The following GDF1 variants were observed in gnomAD, a reference collection of about 807,000 sequenced individuals.
The protein encoded by GDF1 is growth differentiation factor 1.
A neutral mutation model predicts 7.4 loss-of-function variants in GDF1; 8 were observed. The ratio of observed to expected loss-of-function variants is 1.09; its 90% CI spans 0.64 to 1.96. The LOEUF (loss-of-function observed/expected upper bound fraction) is 1.96. Ranked by LOEUF, GDF1 falls within the 30% of genes most tolerant of loss-of-function variation. GDF1 has a pLI of 0.00. For synonymous variants in GDF1, 311 were observed against 276.7 expected (o/e 1.12, Z -1.23); for missense variants, 574 against 551.5 (o/e 1.04, Z -0.41).
At position 18,878,516 on chromosome 19, in the gene GDF1, C is replaced by T; in HGVS notation, c.-313+414G>A. The T allele has an allele frequency of 9.8e-7, 1 of 1,018,092 alleles. No individual in the cohort carries two copies. Among genetic ancestry groups the T allele is most frequent in the Non-Finnish European group, 1.2e-6 (1 of 848,506 alleles). 63.1% of individuals were successfully genotyped at this position (1,018,092 alleles called of 1,614,324 possible). On this transcript the variant is annotated intron_variant, in intron 6 of 7. Coordinates refer to ENST00000247005, the MANE Select transcript of GDF1 (RefSeq NM_001492.6). The surrounding 1 kb of genome is among the most constrained non-coding windows in gnomAD (Gnocchi z 4.6). ...TGGAGCCTGGGTTCTCTCTGTGGCC[C>T]TTGGCGTTCCTTCCTCCCCAGCCCC...
chr19:18,895,984 G>A lies in GDF1; in HGVS notation c.-1234C>T, dbSNP rs1045601115. On this transcript the variant is annotated 5_prime_UTR_variant, in exon 1 of 8. Transcript: ENST00000247005. This position sits in a 1 kb window ranked among gnomAD's most constrained non-coding sequence, Gnocchi z 6.4. ...CGTGCAGCCCCGCGCCGCCGCCAGC[G>A]CGCTGCCCCAGCCGCGCTGCACTAG... 3.7e-5 allele frequency: 39 copies of A among 1,045,184 alleles called. No homozygotes were observed. Among genetic ancestry groups the A allele is most frequent in the Non-Finnish European group, 4.5e-5 (39 of 869,344 alleles). The allele number at this position is 1,045,184 out of a possible 1,614,324, so 64.7% of individuals were successfully genotyped here.
chr19:18,882,381 C>G lies in GDF1; in HGVS notation c.-733+1706G>C, dbSNP rs1222682250. 2.0e-5 allele frequency among the ~76,000 whole-genome samples: 3 copies of G among 151,694 alleles called. No homozygotes were observed. The South Asian group carries it at 6.3e-4, about 32-fold the overall frequency. The stretch of plus-strand genomic sequence containing the variant: ...GACGTGGTGGCTCACACCTGTAATC[C>G]CAGCACTTTGGGAGGCCGAGGCAGG... On this transcript the variant is annotated intron_variant, in intron 3 of 7. Coordinates refer to ENST00000247005, the MANE Select transcript of GDF1 (RefSeq NM_001492.6).
intron 6 of GDF1, chr19:18,877,792 T>TC (rs1217835900): frequency 6.5e-6 from 1 of 154,394 alleles, no homozygotes; most frequent in African/African-American, 2.5e-5. Context: ...TGACTCATGC[T>TC]CAAAGGACAG....
rs774639210 is a variant in GDF1 at position 18,868,585 on chromosome 19, G to C, written c.*12C>G. 2 of 1,545,254 alleles carry C rather than the reference G, an allele frequency of 1.3e-6. No homozygotes were observed. The highest frequency in any genetic ancestry group is 2.4e-5 in the East Asian group (1 of 41,112). ...CATTTATTGTTGGGCCCGCGTCCCT[G>C]CCCGCCCCGGGTTAGCGGCAGCCGC... On this transcript the variant is annotated 3_prime_UTR_variant, in exon 8 of 8. Transcript: ENST00000247005.
At chr19:18,874,474 C>G (rs2056027332) in intron 6 of GDF1, among the ~76,000 whole-genome samples, 1 of 152,118 alleles carries the variant, frequency 6.6e-6, no homozygotes, top group African/African-American at 2.4e-5. Context: ...CAGCCCAGTT[C>G]TTTAGAACTG....
chr19:18,871,223 A>ATT lies in GDF1; in HGVS notation c.-312-606_-312-605dup, dbSNP rs572877061. On this transcript the variant is annotated intron_variant, in intron 6 of 7. Coordinates refer to ENST00000247005, the MANE Select transcript of GDF1 (RefSeq NM_001492.6). ...CAGGGGCACGCCACCACTCCCAGCA[A>ATT]TTTTTTTTTTTTTTTTTTTTTGAGA... Among the ~76,000 whole-genome samples the ATT allele has an allele frequency of 1.3e-3, 161 of 119,780 alleles. 1 individual carries two copies. Among genetic ancestry groups the ATT allele is most frequent in the African/African-American group, 4.9e-3 (152 of 31,132 alleles). The allele number at this position is 119,780 out of a possible 152,430, so 78.6% of individuals were successfully genotyped here.
Position 18,878,077 on chromosome 19 carries a change from G to A in GDF1, c.-313+853C>T, listed in dbSNP as rs987679562. The A allele has an allele frequency of 3.9e-5, 38 of 985,356 alleles. No individual in the cohort carries two copies. The South Asian group carries it at 9.4e-4, about 24-fold the overall frequency. The allele number at this position is 985,356 out of a possible 1,614,324, so 61.0% of individuals were successfully genotyped here. On this transcript the variant is annotated intron_variant, in intron 6 of 7. Coordinates refer to ENST00000247005, the MANE Select transcript of GDF1 (RefSeq NM_001492.6). The surrounding 1 kb of genome is among the most constrained non-coding windows in gnomAD (Gnocchi z 4.6). The stretch of plus-strand genomic sequence containing the variant: ...CACCTCCCGTTCCAAAAAACGTCAC[G>A]GAGCTCTGAGCCACTGCTTCCCTGA...
intron 3 of GDF1, 51 bp downstream of exon 3, chr19:18,884,036 C>T: frequency 6.4e-7 from 1 of 1,573,310 alleles, no homozygotes; most frequent in Non-Finnish European, 8.7e-7. Context: ...TCAGCCTCCG[C>T]ACTCTGTGTG....
Position 18,893,396 on chromosome 19 carries a change from C to T in GDF1, c.-914+20G>A. On this transcript the variant is annotated intron_variant, in intron 2 of 7. Coordinates refer to ENST00000247005, the MANE Select transcript of GDF1 (RefSeq NM_001492.6). ...GTGTTTTAAGCAGAGCCCTCCCGGC[C>T]ATCCCCTCAGGGCCCCTACCGTAGA... 1.9e-6 allele frequency: 3 copies of T among 1,590,604 alleles called. No individual in the cohort carries two copies. Among genetic ancestry groups the T allele is most frequent in the Non-Finnish European group, 2.6e-6 (3 of 1,168,672 alleles).
At chr19:18,889,926 A>C (rs1232370314) in intron 2 of GDF1, among the ~76,000 whole-genome samples, 1 of 152,050 alleles carries the variant, frequency 6.6e-6, no homozygotes, top group Non-Finnish European at 1.5e-5. Flanking sequence ...CTGCCTTCTA[A>C]ACATTTCTAA....
At position 18,895,898 on chromosome 19, in the gene GDF1, C is replaced by A; in HGVS notation, c.-1148G>T. On this transcript the variant is annotated 5_prime_UTR_variant, in exon 1 of 8. The change creates a premature stop within an existing upstream ORF in the 5' untranslated region. Coordinates refer to ENST00000247005, the MANE Select transcript of GDF1 (RefSeq NM_001492.6). The surrounding 1 kb of genome is among the most constrained non-coding windows in gnomAD (Gnocchi z 6.4). Reference sequence around the variant, plus strand: ...GCGCCGAGCGCCAGCAGCAGCAGCTCGGGCGGCGCCAGGTGCGCGTGCTCA... The same window carrying A: ...GCGCCGAGCGCCAGCAGCAGCAGCTAGGGCGGCGCCAGGTGCGCGTGCTCA... 1 of 1,260,422 alleles carries A rather than the reference C, an allele frequency of 7.9e-7. No individual in the cohort carries two copies. Among genetic ancestry groups the A allele is most frequent in the South Asian group, 2.2e-5 (1 of 44,726 alleles). The allele number at this position is 1,260,422 out of a possible 1,614,324, so 78.1% of individuals were successfully genotyped here. A position where few individuals can be genotyped will look rare whatever the true frequency, so the allele number is the denominator to read the frequency against.
At chr19:18,875,063 C>T (rs1215142880) in intron 6 of GDF1, among the ~76,000 whole-genome samples, 1 of 151,350 alleles carries the variant, frequency 6.6e-6, no homozygotes, top group South Asian at 2.1e-4. Context: ...AGTGAGATCT[C>T]GTCTCTACAA....
Position 18,870,706 on chromosome 19 carries a change from A to G in GDF1, c.-312-87T>C. 2.1e-6 allele frequency: 1 copy of G among 480,100 alleles called. No homozygotes were observed. Among genetic ancestry groups the G allele is most frequent in the South Asian group, 4.3e-5 (1 of 23,014 alleles). 29.7% of individuals were successfully genotyped at this position (480,100 alleles called of 1,614,324 possible). On this transcript the variant is annotated intron_variant, in intron 6 of 7. Transcript: ENST00000247005. This position sits in a 1 kb window ranked among gnomAD's most constrained non-coding sequence, Gnocchi z 5.1. The stretch of plus-strand genomic sequence containing the variant: ...CCCGCTTCTTCTCTGGCCGTTTCAC[A>G]CCCCCTGGCTCCTTTTACCCGGCCA...
rs563325636 is a variant in GDF1 at position 18,874,681 on chromosome 19, G to A, written c.-312-4062C>T. On this transcript the variant is annotated intron_variant, in intron 6 of 7. Transcript: ENST00000247005. Reference sequence around the variant, plus strand: ...ATGGGAGTGACCACAAGGAAGCTACGGGCGTCAGTGTAGGAGAGAAGGGTA... The same window carrying A: ...ATGGGAGTGACCACAAGGAAGCTACAGGCGTCAGTGTAGGAGAGAAGGGTA... Among the ~76,000 whole-genome samples, 92 of 152,332 alleles carry A rather than the reference G, an allele frequency of 6.0e-4. 2 individuals are homozygous for A. The highest frequency in any genetic ancestry group is 2.3e-3 in the South Asian group (11 of 4,826).
intron 6 of GDF1, among the ~76,000 whole-genome samples, chr19:18,875,111 C>A (rs2056037385): frequency 6.6e-6 from 1 of 151,946 alleles, no homozygotes; most frequent in African/African-American, 2.4e-5. Context: ...TGGTGGGTGC[C>A]TGTGGTTCCA....
At chr19:18,874,461 G>GCCTGGC (rs2056027208) in intron 6 of GDF1, among the ~76,000 whole-genome samples, 1 of 152,154 alleles carries the variant, frequency 6.6e-6, no homozygotes, top group Non-Finnish European at 1.5e-5. Flanking sequence ...GAGTCACCGT[G>GCCTGGC]CCCAGCCCAG....
rs1458299338 is a variant in GDF1, at chr19:18,870,178, C to G, written c.130G>C (p.Gly44Arg). The change falls in exon 7 of 8, where the codon GGA (glycine) becomes CGA (arginine). Residue 44 changes from glycine (G) to arginine (R), a missense_variant. Gly to Arg is a moderately radical substitution (Grantham distance 125). Coordinates refer to ENST00000247005, the MANE Select transcript of GDF1 (RefSeq NM_001492.6). The surrounding 1 kb of genome is among the most constrained non-coding windows in gnomAD (Gnocchi z 5.1). ...GCACCCTGGGGCTCATCGCGCAGTC[C>G]TAGAGCCTGGAGCAGGGCGGCGGCT... ...GPAAALLQALGLRDEPQGAPR... is the reference protein window; with the variant it reads ...GPAAALLQALRLRDEPQGAPR... The G allele has an allele frequency of 6.4e-7, 1 of 1,567,100 alleles. No individual in the cohort carries two copies. The highest frequency in any genetic ancestry group is 1.2e-5 in the South Asian group (1 of 85,482).
intron 3 of GDF1, chr19:18,883,071 G>A (rs2056255224): frequency 6.6e-6 from 1 of 152,148 alleles, no homozygotes; most frequent in South Asian, 2.1e-4. Context: ...CAATCCTCCT[G>A]ACTCAGCCTT....
At chr19:18,877,991 G>T (rs939215963) in intron 6 of GDF1, 10 of 985,256 alleles carry the variant, frequency 1.0e-5, no homozygotes, top group East Asian at 1.1e-4. Context: ...CAAACAGGGT[G>T]GGGGGTCTGA....
Sources: allele counts gnomAD v4.1 joint callset (sites outside exome capture counted in the v4.1 genomes callset), GRCh38; gene constraint gnomAD v4.1.1; non-coding constraint Gnocchi (gnomAD v3.1); transcripts MANE v1.5; gene names NCBI Gene and HGNC (gene_info 2026-07-23, HGNC 2026-07-21).